Variants in RGL4 observed in about 807,000 individuals in gnomAD.
The protein encoded by RGL4 is ral guanine nucleotide dissociation stimulator like 4.
RGL4 carries 41 observed loss-of-function variants against 49.6 expected under a neutral mutation model. The ratio of observed to expected loss-of-function variants is 0.83; its 90% CI spans 0.64 to 1.07. The LOEUF (loss-of-function observed/expected upper bound fraction) is 1.07, where lower values mean the gene tolerates loss of function less well. RGL4 is among the 50% of genes least tolerant of loss of function. The pLI is 0.00. For missense variants in RGL4, 610 were observed against 591.9 expected (o/e 1.03, Z -0.32); for synonymous variants, 255 against 238.0 (o/e 1.07, Z -0.66).
chr22:23,694,381 A>AG lies in RGL4; in HGVS notation c.947_948insG (p.His316GlnfsTer52). 1 of 1,614,038 alleles carries AG rather than the reference A, an allele frequency of 6.2e-7. No homozygotes were observed. Among genetic ancestry groups the AG allele is most frequent in the Non-Finnish European group, 8.5e-7 (1 of 1,179,934 alleles). On this transcript the variant is annotated frameshift_variant, in exon 5 of 11. Transcript: ENST00000290691. LOFTEE classifies it high-confidence loss of function. ...AGCCTCAACAACTTCTCCTCGGTGC[A>AG]CGTCATCGTCTCTGCTCTGTGCAGC...
Position 23,691,372 on chromosome 22 carries a change from C to G in RGL4, c.-659C>G, listed in dbSNP as rs1481262526. ...GGGTCCCTTGGTGCTGAAAAAGGAGCCACAGGCCCACTCAGACATCTGGAG... is the reference window on the plus strand; with the variant it reads ...GGGTCCCTTGGTGCTGAAAAAGGAGGCACAGGCCCACTCAGACATCTGGAG... On this transcript the variant is annotated 5_prime_UTR_variant, in exon 1 of 11. Coordinates refer to ENST00000290691, the MANE Select transcript of RGL4 (RefSeq NM_153615.2). 1 of 152,182 alleles carries G rather than the reference C, an allele frequency of 6.6e-6. No individual in the cohort carries two copies. The highest frequency in any genetic ancestry group is 2.4e-5 in the African/African-American group (1 of 41,428). The allele number at this position is 152,182 out of a possible 1,614,324, so 9.4% of individuals were successfully genotyped here.
At chr22:23,697,626 G>C (rs879546915) in intron 8 of RGL4, among the ~76,000 whole-genome samples, 2 of 152,212 alleles carry the variant, frequency 1.3e-5, no homozygotes, top group Non-Finnish European at 2.9e-5. Flanking sequence ...CAGTTTCCCT[G>C]TCTGTCATCA....
rs750379263 is a variant in RGL4, at chr22:23,698,255, C to T, written c.1304C>T (p.Ala435Val). 5.0e-6 allele frequency: 8 copies of T among 1,611,636 alleles called. No homozygotes were observed. The highest frequency in any genetic ancestry group is 6.8e-6 in the Non-Finnish European group (8 of 1,178,032). ...GAAATGCAGCTGCTCCAAGTGGCTG[C>T]CATGAATTACAGGCTTCGGCCTCTT... ...LQEMQLLQVA[A>V]MNYRLRPLEK... is the part of the protein sequence containing the mutation. Residue 435 changes from alanine (A) to valine (V), a missense_variant, in exon 10 of 11, where the codon GCC (alanine) becomes GTC (valine). Physicochemically the swap from Ala to Val is moderately conservative, Grantham distance 64 (BLOSUM62 0). Transcript: ENST00000290691.
In RGL4 at chr22:23,693,406, G is replaced by A. The variant is rs527656313; in HGVS notation, c.697-353G>A. 1.6e-4 allele frequency among the ~76,000 whole-genome samples: 24 copies of A among 152,342 alleles called. No homozygotes were observed. In the East Asian group the frequency reaches 2.5e-3, roughly 16 times the overall value. ...GCAGCTGCCACAAGGAAAGTGCACCGGTACGGAGAGGAGTAGTAGAGGGCT... is the reference window on the plus strand; with the variant it reads ...GCAGCTGCCACAAGGAAAGTGCACCAGTACGGAGAGGAGTAGTAGAGGGCT... On this transcript the variant is annotated intron_variant, in intron 3 of 10. Transcript: ENST00000290691.
chr22:23,692,438 C>A lies in RGL4; in HGVS notation c.283C>A (p.Leu95Ile). Residue 95 changes from leucine (L) to isoleucine (I), a missense_variant, in exon 2 of 11, where the codon CTC becomes ATC. Transcript: ENST00000290691. ...SFRIKLAFRNLSWPGLGLEDH... is the reference protein window; with the variant it reads ...SFRIKLAFRNISWPGLGLEDH... ...CCGGATAAAGCTGGCCTTCAGGAAC[C>A]TCTCCTGGCCTGGACTGGGCTTGGA... 2 of 1,614,232 alleles carry A rather than the reference C, an allele frequency of 1.2e-6. No homozygotes were observed. The highest frequency in any genetic ancestry group is 1.7e-6 in the Non-Finnish European group (2 of 1,180,042).
At chr22:23,696,504 C>T (rs780372422) in intron 6 of RGL4, 110 bp from the exon 7 acceptor site, 36 of 1,576,482 alleles carry the variant, frequency 2.3e-5, no homozygotes, top group East Asian at 2.1e-4. Flanking sequence ...GGTATGAGCA[C>T]GGTGCCAGGT....
intron 3 of RGL4, among the ~76,000 whole-genome samples, chr22:23,693,395 G>GA (rs1419830522): frequency 2.6e-5 from 4 of 152,212 alleles, no homozygotes; most frequent in African/African-American, 9.7e-5. Flanking sequence ...CTGCCACAAG[G>GA]AAAGTGCACC....
chr22:23,693,898 C>T lies in RGL4; in HGVS notation c.836C>T (p.Thr279Ile). The T allele has an allele frequency of 6.2e-7, 1 of 1,613,936 alleles. No individual in the cohort carries two copies. The highest frequency in any genetic ancestry group is 8.5e-7 in the Non-Finnish European group (1 of 1,180,040). ...HFNRLTNCIT[T>I]SCLGDHSMRA... ...AACAGGCTCACCAACTGCATCACCA[C>T]CTCCTGCCTCGGGGACCACAGCATG... Residue 279 changes from threonine to isoleucine, a missense_variant, in exon 4 of 11, where the codon ACC becomes ATC. By Grantham distance (89) the Thr-to-Ile change is moderately conservative (BLOSUM62 -1). Transcript: ENST00000290691.
At chr22:23,697,929 G>A in intron 9 of RGL4, 68 bp downstream of exon 9, 1 of 1,540,768 alleles carries the variant, frequency 6.5e-7, no homozygotes, top group Non-Finnish European at 8.9e-7. Flanking sequence ...CCCTGGGCAG[G>A]ACACTCCCTG....
intron 3 of RGL4, chr22:23,693,283 C>T: frequency 2.0e-6 from 1 of 506,382 alleles, no homozygotes; most frequent in Non-Finnish European, 3.5e-6. Context: ...CCATGGGTCA[C>T]TCACCCAGCT....
In RGL4 at chr22:23,692,709, G is replaced by C. The variant is rs145233947; in HGVS notation, c.414G>C (p.Pro138=). ...CTGGGCAACACGCATTAACAATGCC[G>C]GCCCTGGAGCCAGCACCACCACTGC... is the stretch of plus-strand genomic sequence containing the variant. ...PRPGQHALTM[P]ALEPAPPLLA... is the part of the protein sequence containing the mutation. Residue 138 remains proline, a synonymous_variant, in exon 3 of 11, where the codon CCG becomes CCC. Coordinates refer to ENST00000290691, the MANE Select transcript of RGL4 (RefSeq NM_153615.2). 3.1e-6 allele frequency: 5 copies of C among 1,611,552 alleles called. No homozygotes were observed. In the African/African-American group the frequency reaches 6.7e-5, roughly 22 times the overall value.
intron 6 of RGL4, 39 bp downstream of exon 6, chr22:23,695,058 G>A: frequency 6.8e-7 from 1 of 1,478,196 alleles, no homozygotes; most frequent in East Asian, 2.3e-5. Context: ...AAGTGTTTAA[G>A]GGTCAGAGAA....
intron 4 of RGL4, 176 bp downstream of exon 4, chr22:23,694,150 A>C: frequency 2.8e-6 from 2 of 714,854 alleles, no homozygotes; most frequent in South Asian, 1.8e-5. Context: ...GTGGCTGCTC[A>C]CTTCCGACCT....
At chr22:23,698,009 G>A (rs1171855414) in intron 9 of RGL4, 148 bp downstream of exon 9, 3 of 1,098,420 alleles carry the variant, frequency 2.7e-6, no homozygotes, top group Non-Finnish European at 4.0e-6. Context: ...CCTATCCCAG[G>A]AGAAAATGGG....
At chr22:23,696,939 T>C (rs1891684957) in intron 7 of RGL4, among the ~76,000 whole-genome samples, 1 of 152,128 alleles carries the variant, frequency 6.6e-6, no homozygotes, top group South Asian at 2.1e-4. Context: ...AATCCCACCA[T>C]AGAGGTTAAC....
At position 23,692,194 on chromosome 22, in the gene RGL4, G is replaced by A; in HGVS notation, c.164G>A (p.Ser55Asn). The change falls in exon 1 of 11, where the codon AGC becomes AAC. Residue 55 changes from serine (S) to asparagine (N), a missense_variant. By Grantham distance (46) the Ser-to-Asn change is conservative. Transcript: ENST00000290691. ...LYGQVCPFQD[S>N]TDGLRTITSI... The stretch of plus-strand genomic sequence containing the variant: ...GGCCAGGTCTGCCCCTTCCAGGACA[G>A]CACTGATGGCTTACGGTAGGGTGGG... 1 of 1,613,428 alleles carries A rather than the reference G, an allele frequency of 6.2e-7. No individual in the cohort carries two copies. The highest frequency in any genetic ancestry group is 8.5e-7 in the Non-Finnish European group (1 of 1,179,448).
At chr22:23,697,937 C>A in intron 9 of RGL4, 76 bp downstream of exon 9, 1 of 1,510,746 alleles carries the variant, frequency 6.6e-7, no homozygotes, top group Non-Finnish European at 9.1e-7. Context: ...AGGACACTCC[C>A]TGGCTCCATC....
intron 9 of RGL4, 53 bp downstream of exon 9, chr22:23,697,914 G>T: frequency 6.3e-7 from 1 of 1,575,336 alleles, no homozygotes; most frequent in South Asian, 1.2e-5. Flanking sequence ...GGACGTCACA[G>T]TCCACCCTGG....
At chr22:23,696,824 G>A in intron 7 of RGL4, 136 bp downstream of exon 7, 2 of 745,532 alleles carry the variant, frequency 2.7e-6, no homozygotes, top group Non-Finnish European at 4.4e-6. Flanking sequence ...ACTGGGCCTG[G>A]AAAACCTTCA....
Sources: gnomAD v4.1 joint callset for allele counts (sites outside exome capture counted in the v4.1 genomes callset) on GRCh38, gnomAD v4.1.1 for gene constraint, MANE v1.5 for transcripts, NCBI Gene and HGNC (gene_info 2026-07-23, HGNC 2026-07-21) for gene names.